TBC1D8: variants seen among roughly 807,000 people sequenced by gnomAD.
TBC1D8 encodes the protein BUB2-like protein 1.
A neutral mutation model predicts 118.8 loss-of-function variants in TBC1D8; 65 were observed. The ratio of observed to expected loss-of-function variants is 0.55; its 90% CI spans 0.45 to 0.67. TBC1D8 has a LOEUF of 0.67. Among genes scored for constraint, TBC1D8 ranks in the 30% least tolerant of loss-of-function variants. TBC1D8 has a pLI of 0.00. For missense variants in TBC1D8, 1,376 were observed against 1,471.2 expected, an observed-to-expected ratio of 0.94 and a Z score of 1.06; for synonymous variants, 566 against 595.8, an observed-to-expected ratio of 0.95 and a Z score of 0.73.
rs141104904 is a variant in TBC1D8 at position 101,141,678 on chromosome 2, A to G, written c.127+9449T>C. Among the ~76,000 whole-genome samples the G allele has an allele frequency of 6.6e-3, 1,003 of 152,256 alleles. 8 individuals carry two copies. Among genetic ancestry groups the G allele is most frequent in the South Asian group, 0.023 (110 of 4,824 alleles). On this transcript the variant is annotated intron_variant, in intron 1 of 19. Transcript: ENST00000409318. ...TTAAAACAAAAGGGAAAAGACTGAT[A>G]CATCTGACTGCATGAAAATTAACAA...
intron 4 of TBC1D8, among the ~76,000 whole-genome samples, chr2:101,051,183 T>TG (rs1253798571): frequency 6.6e-6 from 1 of 152,238 alleles, no homozygotes; most frequent in African/African-American, 2.4e-5. Flanking sequence ...GTTGATTCCA[T>TG]GTCTTTGCTA....
chr2:101,059,693 G>T (rs933688948), intron 2 of TBC1D8, among the ~76,000 whole-genome samples, 154 bp from the exon 3 acceptor site: 17 of 152,138 alleles, frequency 1.1e-4, no homozygotes, highest in Admixed American at 6.5e-4. Context: ...GTAATCCCAG[G>T]ACTTTGGGAG....
chr2:101,082,110 G>C (rs1675304057), intron 2 of TBC1D8, among the ~76,000 whole-genome samples: 1 of 152,222 alleles, frequency 6.6e-6, no homozygotes, highest in Admixed American at 6.5e-5. Context: ...TTGCACTCTA[G>C]CCTGGGCAAC....
At chr2:101,008,467 G>T (rs902255796) in intron 19 of TBC1D8, among the ~76,000 whole-genome samples, 194 bp from the exon 20 acceptor site, 1 of 152,180 alleles carries the variant, frequency 6.6e-6, no homozygotes, top group African/African-American at 2.4e-5. Context: ...CACAGACTTG[G>T]AAATGGGTAG....
rs542164068 is a variant in TBC1D8, at chr2:101,056,896, A to C, written c.402+2525T>G. Among the ~76,000 whole-genome samples, 12 of 152,292 alleles carry C rather than the reference A, an allele frequency of 7.9e-5. No homozygotes were observed. The East Asian group carries it at 2.3e-3, about 29-fold the overall frequency. Reference sequence around the variant, plus strand: ...TTTGTAGAGTCATCAAAGGTTCAGGATATGAGTAGGAAAGCCTCTATTCCC... The same window carrying C: ...TTTGTAGAGTCATCAAAGGTTCAGGCTATGAGTAGGAAAGCCTCTATTCCC... On this transcript the variant is annotated intron_variant, in intron 3 of 19. Coordinates refer to ENST00000409318, the MANE Select transcript of TBC1D8 (RefSeq NM_001330348.2).
At chr2:101,056,018 C>T (rs1682402657) in intron 3 of TBC1D8, among the ~76,000 whole-genome samples, 1 of 149,942 alleles carries the variant, frequency 6.7e-6, no homozygotes, top group South Asian at 2.1e-4. Context: ...ATACTTCTAT[C>T]ATTTATTTTT....
At chr2:101,022,932 C>T (rs1680128509) in intron 15 of TBC1D8, among the ~76,000 whole-genome samples, 2 of 151,898 alleles carry the variant, frequency 1.3e-5, no homozygotes, top group African/African-American at 4.8e-5. Context: ...CGTCTGCGCT[C>T]AAGATTTCGT....
In TBC1D8 at chr2:101,007,916, A is replaced by G. The variant is rs1364127385; in HGVS notation, c.3373T>C (p.Ser1125Pro). Residue 1125 changes from serine to proline, a missense_variant, in exon 20 of 20, where the codon TCC (serine) becomes CCC (proline). Ser to Pro is a moderately conservative substitution (Grantham distance 74). Coordinates refer to ENST00000409318, the MANE Select transcript of TBC1D8 (RefSeq NM_001330348.2). ...NFFEKPLDMK[S>P]KLENAKINQY... ...TTGATCTTGGCATTTTCAAGTTTGGATTTCATGTCCAGTGGCTTTTCAAAA... is the reference window on the plus strand; with the variant it reads ...TTGATCTTGGCATTTTCAAGTTTGGGTTTCATGTCCAGTGGCTTTTCAAAA... 2.5e-6 allele frequency: 4 copies of G among 1,613,996 alleles called. No homozygotes were observed. The highest frequency in any genetic ancestry group is 4.5e-5 in the East Asian group (2 of 44,886).
In TBC1D8 at chr2:101,092,633, G is replaced by C. The variant is rs185751272; in HGVS notation, c.128-2269C>G. Among the ~76,000 whole-genome samples the C allele has an allele frequency of 6.8e-4, 103 of 152,106 alleles. 1 individual carries two copies. Among genetic ancestry groups the C allele is most frequent in the Admixed American group, 6.5e-3 (99 of 15,278 alleles). ...TGATTGTCCCAGGTTTGGCCAGTGG[G>C]AACCCCTTCAAGCAGGCTTTTGTGT... On this transcript the variant is annotated intron_variant, in intron 1 of 19. Coordinates refer to ENST00000409318, the MANE Select transcript of TBC1D8 (RefSeq NM_001330348.2).
At chr2:101,033,998 T>C (rs1445994208) in intron 9 of TBC1D8, among the ~76,000 whole-genome samples, 1 of 152,108 alleles carries the variant, frequency 6.6e-6, no homozygotes, top group Non-Finnish European at 1.5e-5. Flanking sequence ...ACCCTGTCTC[T>C]ACTAAAAATA....
In TBC1D8 at chr2:101,032,570, A is replaced by C. The variant is rs568120665; in HGVS notation, c.1819-185T>G. 4 of 545,314 alleles carry C rather than the reference A, an allele frequency of 7.3e-6. No homozygotes were observed. The African/African-American group carries it at 7.5e-5, about 10-fold the overall frequency. The allele number at this position is 545,314 out of a possible 1,614,324, so 33.8% of individuals were successfully genotyped here. On this transcript the variant is annotated intron_variant, in intron 10 of 19. Transcript: ENST00000409318. ...GACAGCAACACAGTCCTCACAGGAC[A>C]CGCCCAGCTGAGCGATCGGCCACCA...
At chr2:101,058,168 A>G (rs1417217603) in intron 3 of TBC1D8, among the ~76,000 whole-genome samples, 1 of 152,168 alleles carries the variant, frequency 6.6e-6, no homozygotes, top group Non-Finnish European at 1.5e-5. Flanking sequence ...ACCCGAGCCC[A>G]CCAACGCCTA....
intron 1 of TBC1D8, among the ~76,000 whole-genome samples, chr2:101,096,437 A>C (rs1184157385): frequency 2.0e-5 from 3 of 150,440 alleles, no homozygotes; most frequent in Non-Finnish European, 1.5e-5. Context: ...AAAAAAAAAA[A>C]AAAAAAAAAA....
At chr2:101,029,908 G>A (rs2105386630) in intron 11 of TBC1D8, 132 bp from the exon 12 acceptor site, 1 of 888,082 alleles carries the variant, frequency 1.1e-6, no homozygotes, top group Non-Finnish European at 1.7e-6. Flanking sequence ...TCCATGCTTA[G>A]TTCATTGATT....
In TBC1D8 at chr2:101,008,271, T is replaced by C. The variant is rs775605526; in HGVS notation, c.3018A>G (p.Arg1006=). ...GAGTTTTACAGAACTGGATAAATTC[T>C]CTCTGAAATTGAAATAAGTCTTAGG... ...TEKELPKMSQ[R]EFIQFCKTLY... The change falls in exon 20 of 20, where the codon AGA becomes AGG. Residue 1006 remains arginine (R), a splice_region_variant and synonymous_variant. Coordinates refer to ENST00000409318, the MANE Select transcript of TBC1D8 (RefSeq NM_001330348.2). The C allele has an allele frequency of 5.9e-6, 9 of 1,519,090 alleles. No individual in the cohort carries two copies. The highest frequency in any genetic ancestry group is 2.2e-5 in the Admixed American group (1 of 45,910). The allele number at this position is 1,519,090 out of a possible 1,614,324, so 94.1% of individuals were successfully genotyped here.
chr2:101,140,122 C>G (rs1679036623), intron 1 of TBC1D8, among the ~76,000 whole-genome samples: 1 of 152,122 alleles, frequency 6.6e-6, no homozygotes, highest in African/African-American at 2.4e-5. Context: ...GCAATCGTTG[C>G]TACTGTTTTA....
chr2:101,113,788 A>G (rs766922224), intron 1 of TBC1D8, among the ~76,000 whole-genome samples: 11 of 152,204 alleles, frequency 7.2e-5, no homozygotes, highest in Non-Finnish European at 1.3e-4. Flanking sequence ...ACAACTCCAT[A>G]GGCTCAAGTT....
intron 1 of TBC1D8, among the ~76,000 whole-genome samples, chr2:101,130,648 T>C (rs1484902063): frequency 6.6e-6 from 1 of 152,248 alleles, no homozygotes; most frequent in East Asian, 1.9e-4. Flanking sequence ...TTTAAAATGA[T>C]GCCTGGGCTG....
intron 15 of TBC1D8, chr2:101,023,516 T>A: frequency 2.9e-6 from 1 of 342,810 alleles, no homozygotes; most frequent in Non-Finnish European, 5.9e-6. Context: ...CTAATAACCC[T>A]GGCTACCTGT....
Sources: allele counts gnomAD v4.1 joint callset (sites outside exome capture counted in the v4.1 genomes callset), GRCh38; gene constraint gnomAD v4.1.1; transcripts MANE v1.5; gene names NCBI Gene and HGNC (gene_info 2026-07-23, HGNC 2026-07-21).